CTDP1: variants seen among roughly 807,000 people sequenced by gnomAD.
CTDP1 encodes CTD phosphatase 1.
In CTDP1, 47 loss-of-function variants were observed where a neutral mutation model predicts 91.8. That is an observed-to-expected ratio of 0.51 (90% CI 0.41 to 0.65). CTDP1 has a LOEUF of 0.65. Ranked by LOEUF, CTDP1 falls within the 30% of genes least tolerant of loss-of-function variation. The pLI is 0.00. For synonymous variants in CTDP1, 656 were observed against 598.5 expected (o/e 1.10, Z -1.40); for missense variants, 1,272 against 1,373.7 (o/e 0.93, Z 1.17).
intron 2 of CTDP1, 122 bp downstream of exon 2, chr18:79,695,430 C>A: frequency 1.2e-6 from 1 of 842,540 alleles, no homozygotes; most frequent in Non-Finnish European, 2.0e-6. Flanking sequence ...CAGATGCAGA[C>A]GCCTCCCTTG....
At chr18:79,693,837 A>G (rs995904412) in intron 1 of CTDP1, among the ~76,000 whole-genome samples, 1 of 145,822 alleles carries the variant, frequency 6.9e-6, no homozygotes, top group Non-Finnish European at 1.5e-5. Context: ...GATGCTGGCT[A>G]CAGACCCGCC....
intron 12 of CTDP1, among the ~76,000 whole-genome samples, chr18:79,737,894 C>G (rs1342803726): frequency 1.3e-5 from 2 of 152,202 alleles, no homozygotes; most frequent in African/African-American, 4.8e-5. Context: ...TGTTCCCTTT[C>G]TTAAACATCT....
chr18:79,736,366 C>T lies in CTDP1; in HGVS notation c.2592C>T (p.Ile864=). ...LESMDKEVDD[I]LGEGSDDSDS... is the part of the protein sequence containing the mutation. ...TGGCTGTTTGTCAGGTGGACGACAT[C>T]CTTGGAGAAGGCAGCGACGACAGCG... Residue 864 remains isoleucine, a synonymous_variant, in exon 12 of 13, where the codon ATC becomes ATT. Coordinates refer to ENST00000613122, the MANE Select transcript of CTDP1 (RefSeq NM_004715.5). The T allele has an allele frequency of 6.5e-7, 1 of 1,549,226 alleles. No individual in the cohort carries two copies. The highest frequency in any genetic ancestry group is 8.7e-7 in the Non-Finnish European group (1 of 1,146,982).
chr18:79,746,353 CTGCGTCCCTCCCATGCGCGTTCTGTCCG>C (rs2086881801), intron 12 of CTDP1, among the ~76,000 whole-genome samples: 4 of 148,108 alleles, frequency 2.7e-5, no homozygotes, highest in Non-Finnish European at 6.0e-5. Flanking sequence ...CGTTCTGACC[CTGCGTCCCTCCCATGCGCGTTCTGTCCG>C]TGCGTCCCTC....
chr18:79,681,807 G>A (rs184017620), intron 1 of CTDP1, among the ~76,000 whole-genome samples: 147 of 152,294 alleles, frequency 9.7e-4, no homozygotes, highest in African/African-American at 3.2e-3. Context: ...TCCAGTCCAT[G>A]GGCGGCAGGT....
At chr18:79,688,084 C>G (rs1231388467) in intron 1 of CTDP1, among the ~76,000 whole-genome samples, 1 of 152,230 alleles carries the variant, frequency 6.6e-6, no homozygotes, top group Admixed American at 6.5e-5. Context: ...GTTTCAGTAA[C>G]CGCTGCCAGA....
chr18:79,727,488 G>A (rs944189163), intron 10 of CTDP1, among the ~76,000 whole-genome samples: 2 of 152,136 alleles, frequency 1.3e-5, no homozygotes, highest in African/African-American at 4.8e-5. Flanking sequence ...TCGCGGGGTG[G>A]GAAGCGTGGC....
chr18:79,702,247 A>G (rs1180129028), intron 4 of CTDP1, among the ~76,000 whole-genome samples: 3 of 152,180 alleles, frequency 2.0e-5, no homozygotes, highest in Non-Finnish European at 4.4e-5. Flanking sequence ...GCCTTCAGTA[A>G]ACACCCCTCT....
In CTDP1 at chr18:79,693,910, A is replaced by T. The variant is rs145951167; in HGVS notation, c.315-1315A>T. Among the ~76,000 whole-genome samples, 652 of 146,376 alleles carry T rather than the reference A, an allele frequency of 4.5e-3. 8 individuals are homozygous for T. Among genetic ancestry groups the T allele is most frequent in the African/African-American group, 0.017 (617 of 37,044 alleles). Reference sequence around the variant, plus strand: ...GCCCCTCCGCTCCCCTGCAGGATGCAGGCTGCAGACCCGCCCCTCCCAGTC... The same window carrying T: ...GCCCCTCCGCTCCCCTGCAGGATGCTGGCTGCAGACCCGCCCCTCCCAGTC... On this transcript the variant is annotated intron_variant, in intron 1 of 12. Transcript: ENST00000613122.
chr18:79,738,673 C>G lies in CTDP1; in HGVS notation c.2747+2152C>G, dbSNP rs56817847. 9.1e-3 allele frequency among the ~76,000 whole-genome samples: 1,380 copies of G among 152,314 alleles called. 16 individuals carry two copies. Among genetic ancestry groups the G allele is most frequent in the African/African-American group, 0.031 (1,301 of 41,558 alleles). On this transcript the variant is annotated intron_variant, in intron 12 of 12. Coordinates refer to ENST00000613122, the MANE Select transcript of CTDP1 (RefSeq NM_004715.5). Reference sequence around the variant, plus strand: ...CAGGCAATCCAGTTACAAAATTGGGCCAGAAATTCCAGCAACAGATGCAGA... The same window carrying G: ...CAGGCAATCCAGTTACAAAATTGGGGCAGAAATTCCAGCAACAGATGCAGA...
chr18:79,681,313 T>A (rs530860081), intron 1 of CTDP1: 14 of 238,600 alleles, frequency 5.9e-5, no homozygotes, highest in African/African-American at 3.3e-4. Flanking sequence ...TGCTGGTGGG[T>A]GGGGCTGGGA....
intron 12 of CTDP1, among the ~76,000 whole-genome samples, chr18:79,741,254 T>C (rs939537823): frequency 5.9e-5 from 9 of 151,898 alleles, no homozygotes; most frequent in Non-Finnish European, 1.3e-4. Flanking sequence ...AGCCTGTGGT[T>C]GGGTGAGGTC....
intron 12 of CTDP1, among the ~76,000 whole-genome samples, chr18:79,750,689 T>C (rs926511465): frequency 4.0e-5 from 6 of 149,922 alleles, no homozygotes; most frequent in African/African-American, 1.2e-4. Flanking sequence ...TTTTTTTTTT[T>C]TTAATGTGGA....
intron 9 of CTDP1, 31 bp downstream of exon 9, chr18:79,717,707 G>T (rs1463990401): frequency 5.6e-6 from 9 of 1,613,842 alleles, no homozygotes; most frequent in African/African-American, 4.0e-5. Flanking sequence ...GCAGGTCCGT[G>T]CCAGGCGTTC....
intron 5 of CTDP1, among the ~76,000 whole-genome samples, chr18:79,707,063 G>A (rs2085981077): frequency 6.6e-6 from 1 of 152,228 alleles, no homozygotes; most frequent in South Asian, 2.1e-4. Context: ...CCTTTCCTGA[G>A]GTGCATCGAT....
At chr18:79,682,665 C>G (rs2085399531) in intron 1 of CTDP1, among the ~76,000 whole-genome samples, 1 of 152,188 alleles carries the variant, frequency 6.6e-6, no homozygotes, top group South Asian at 2.1e-4. Context: ...CCTGTTTATA[C>G]AGAGCGCTGA....
chr18:79,709,591 G>A (rs1163601622), intron 5 of CTDP1, among the ~76,000 whole-genome samples: 4 of 152,210 alleles, frequency 2.6e-5, no homozygotes, highest in African/African-American at 9.7e-5. Flanking sequence ...ATTAACGGAT[G>A]TCATGTGAAG....
intron 8 of CTDP1, among the ~76,000 whole-genome samples, chr18:79,716,527 C>T (rs1176300097): frequency 6.6e-6 from 1 of 152,222 alleles, no homozygotes; most frequent in African/African-American, 2.4e-5. Context: ...CCCTGGCCTC[C>T]TGTGGGCAGT....
chr18:79,681,454 A>G (rs914677341), intron 1 of CTDP1: 2 of 985,202 alleles, frequency 2.0e-6, no homozygotes, highest in Non-Finnish European at 1.2e-6. Context: ...AGGATGGAAG[A>G]TCCCTACTGA....
Sources: gnomAD v4.1 joint callset for allele counts (sites outside exome capture counted in the v4.1 genomes callset) on GRCh38, gnomAD v4.1.1 for gene constraint, MANE v1.5 for transcripts, NCBI Gene and HGNC (gene_info 2026-07-23, HGNC 2026-07-21) for gene names.